Variants in YEATS2 observed in about 807,000 individuals in gnomAD.
The protein encoded by YEATS2 is YEATS domain containing 2, also known as YEATS domain-containing protein 2.
Under a neutral mutation model 163.2 loss-of-function variants are expected in YEATS2, and 77 were observed. The observed-to-expected ratio is 0.47, with a 90% confidence interval of 0.39 to 0.57. YEATS2 has a LOEUF of 0.57. YEATS2 is among the 20% of genes least tolerant of loss of function. The pLI, the probability that YEATS2 is intolerant of heterozygous loss-of-function variation, is 0.00. For missense variants in YEATS2, 1,549 were observed against 1,729.8 expected, an observed-to-expected ratio of 0.90 and a Z score of 1.85; for synonymous variants, 631 against 645.1, an observed-to-expected ratio of 0.98 and a Z score of 0.33.
chr3:183,802,986 C>T, intron 25 of YEATS2: 1 of 391,566 alleles, frequency 2.6e-6, no homozygotes, highest in Non-Finnish European at 4.6e-6. Context: ...AGCACCAGTT[C>T]CACAGACTTT....
At chr3:183,798,512 CCTGG>C (rs1725371342) in intron 22 of YEATS2, among the ~76,000 whole-genome samples, 1 of 152,052 alleles carries the variant, frequency 6.6e-6, no homozygotes, top group South Asian at 2.1e-4. Flanking sequence ...TGCCACCACG[CCTGG>C]CTAATTTTCG....
intron 14 of YEATS2, 131 bp from the exon 15 acceptor site, chr3:183,761,966 G>T: frequency 8.2e-7 from 1 of 1,218,886 alleles, no homozygotes. Flanking sequence ...CCCTTCTGGT[G>T]GAGTCATTCT....
intron 11 of YEATS2, among the ~76,000 whole-genome samples, chr3:183,756,321 A>G (rs77294143): frequency 6.6e-6 from 1 of 152,110 alleles, no homozygotes; most frequent in Non-Finnish European, 1.5e-5. Context: ...TGATCCATGG[A>G]TAAGGATGCA....
intron 1 of YEATS2, among the ~76,000 whole-genome samples, chr3:183,707,665 C>A (rs1393183168): frequency 6.6e-6 from 1 of 151,584 alleles, no homozygotes; most frequent in Non-Finnish European, 1.5e-5. Context: ...TGTACTACTC[C>A]CCTTCCCCAC....
Position 183,764,451 on chromosome 3 carries a change from T to C in YEATS2, c.1947+2172T>C, listed in dbSNP as rs1032230804. Among the ~76,000 whole-genome samples, 3 of 151,152 alleles carry C rather than the reference T, an allele frequency of 2.0e-5. No homozygotes were observed. In the East Asian group the frequency reaches 5.9e-4, roughly 30 times the overall value. On this transcript the variant is annotated intron_variant, in intron 15 of 30. Coordinates refer to ENST00000305135, the MANE Select transcript of YEATS2 (RefSeq NM_018023.5). ...AGCCTACCTATCTAAGGAGAATGAA[T>C]TGTTTTAAGAATAGCCCAAAATCGA...
chr3:183,724,574 T>A, intron 6 of YEATS2, 43 bp downstream of exon 6: 1 of 1,469,604 alleles, frequency 6.8e-7, no homozygotes, highest in Non-Finnish European at 9.4e-7. Context: ...CCATTTGTGT[T>A]AATATTTTGG....
At chr3:183,713,306 T>C (rs919236682) in intron 1 of YEATS2, among the ~76,000 whole-genome samples, 1 of 152,220 alleles carries the variant, frequency 6.6e-6, no homozygotes. Flanking sequence ...GGCTCACACC[T>C]GTAATCCCAG....
chr3:183,736,020 A>G (rs1718300982), intron 7 of YEATS2, among the ~76,000 whole-genome samples: 1 of 152,210 alleles, frequency 6.6e-6, no homozygotes, highest in Non-Finnish European at 1.5e-5. Context: ...AAAATTTCAG[A>G]CATATATGGA....
At chr3:183,809,735 G>A (rs745954337) in intron 30 of YEATS2, among the ~76,000 whole-genome samples, 1 of 152,186 alleles carries the variant, frequency 6.6e-6, no homozygotes, top group Non-Finnish European at 1.5e-5. Context: ...CCTAGGCCCT[G>A]AAAGGATGGT....
At chr3:183,778,608 G>T (rs781598461) in intron 19 of YEATS2, among the ~76,000 whole-genome samples, 3 of 152,034 alleles carry the variant, frequency 2.0e-5, no homozygotes, top group Non-Finnish European at 4.4e-5. Flanking sequence ...TGCCCGCCTC[G>T]GCCTCCGAAA....
At chr3:183,747,622 TGTAA>T in intron 8 of YEATS2, 46 bp from the exon 9 acceptor site, 1 of 1,507,894 alleles carries the variant, frequency 6.6e-7, no homozygotes, top group South Asian at 1.1e-5. Flanking sequence ...TATGATAATA[TGTAA>T]GTAAGTGCAG....
At chr3:183,785,560 G>T (rs13062015) in intron 19 of YEATS2, among the ~76,000 whole-genome samples, 7,096 of 151,936 alleles carry the variant, frequency 0.047, 242 homozygotes, top group East Asian at 0.11. Context: ...AAAGGCTGGG[G>T]CAGGAGGATC....
intron 21 of YEATS2, chr3:183,793,609 CTTTTTT>C (rs35098553): frequency 2.1e-3 from 231 of 109,610 alleles, no homozygotes; most frequent in African/African-American, 8.6e-3. Context: ...TTCTTTCTTT[CTTTTTT>C]TTTTTTTTTT....
At chr3:183,740,786 G>T (rs1265051835) in intron 8 of YEATS2, among the ~76,000 whole-genome samples, 3 of 152,216 alleles carry the variant, frequency 2.0e-5, no homozygotes, top group Non-Finnish European at 4.4e-5. Context: ...GATGAAGGTG[G>T]CTACACCAAA....
rs1489017069 is a variant in YEATS2, at chr3:183,810,721, C to G, written c.*138C>G. 5.6e-6 allele frequency: 4 copies of G among 709,576 alleles called. No homozygotes were observed. The highest frequency in any genetic ancestry group is 1.7e-5 in the South Asian group (1 of 57,492). 44.0% of individuals were successfully genotyped at this position (709,576 alleles called of 1,614,324 possible). A position where few individuals can be genotyped will look rare whatever the true frequency, so the allele number is the denominator to read the frequency against. ...TACCCAACCTTTGCCGCTGCCTGTTCCCACGTGTCACCAGCACGCTGCACT... is the reference window on the plus strand; with the variant it reads ...TACCCAACCTTTGCCGCTGCCTGTTGCCACGTGTCACCAGCACGCTGCACT... On this transcript the variant is annotated 3_prime_UTR_variant, in exon 31 of 31. Transcript: ENST00000305135.
intron 1 of YEATS2, among the ~76,000 whole-genome samples, chr3:183,701,051 ATGTG>A (rs141939254): frequency 2.3e-4 from 34 of 147,512 alleles, no homozygotes; most frequent in African/African-American, 7.2e-4. Flanking sequence ...GTATATATAT[ATGTG>A]TGTGTGTGTG....
chr3:183,803,825 C>T (rs1226422325), intron 26 of YEATS2, 162 bp from the exon 27 acceptor site: 11 of 721,066 alleles, frequency 1.5e-5, no homozygotes, highest in East Asian at 1.1e-4. Context: ...TAGGGAAGTT[C>T]GACTTTTTTT....
At position 183,762,488 on chromosome 3, in the gene YEATS2, A is replaced by G. The variant is rs1279820788; in HGVS notation, c.1947+209A>G. 2.6e-5 allele frequency among the ~76,000 whole-genome samples: 4 copies of G among 152,306 alleles called. 1 individual carries two copies. The highest frequency in any genetic ancestry group is 2.0e-4 in the Admixed American group (3 of 15,300). On this transcript the variant is annotated intron_variant, in intron 15 of 30. Transcript: ENST00000305135. The stretch of plus-strand genomic sequence containing the variant: ...GGCAAGAGCCGCGTTATGTATTGCA[A>G]AGGATCCCGGAATGGGCCAAGAGGC...
intron 8 of YEATS2, among the ~76,000 whole-genome samples, chr3:183,740,778 T>C (rs991874106): frequency 6.6e-6 from 1 of 152,218 alleles, no homozygotes; most frequent in Non-Finnish European, 1.5e-5. Context: ...AGATCATTGA[T>C]GAAGGTGGCT....
Sources: gnomAD v4.1 joint callset for allele counts (sites outside exome capture counted in the v4.1 genomes callset) on GRCh38, gnomAD v4.1.1 for gene constraint, MANE v1.5 for transcripts, NCBI Gene and HGNC (gene_info 2026-07-23, HGNC 2026-07-21) for gene names.